The following PEBP4 variants were observed in gnomAD, a reference collection of about 807,000 sequenced individuals.
PEBP4 encodes phosphatidylethanolamine-binding protein 4.
PEBP4 carries 22 observed loss-of-function variants against 23.9 expected under a neutral mutation model. The observed-to-expected ratio is 0.92, with a 90% CI of 0.66 to 1.31. The LOEUF (loss-of-function observed/expected upper bound fraction) is 1.31. Among genes scored for constraint, PEBP4 ranks in the 40% most tolerant of loss-of-function variants. The pLI is 0.00. For missense variants in PEBP4, 324 were observed against 281.7 expected (o/e 1.15, Z -1.07); for synonymous variants, 112 against 99.3 (o/e 1.13, Z -0.76).
chr8:22,778,947 G>A (rs959050711), intron 4 of PEBP4, among the ~76,000 whole-genome samples: 6 of 152,082 alleles, frequency 3.9e-5, no homozygotes, highest in Non-Finnish European at 7.4e-5. Context: ...GGAGGTGTGA[G>A]GAACTCCAAT....
intron 3 of PEBP4, among the ~76,000 whole-genome samples, chr8:22,841,106 A>C (rs1467506559): frequency 3.3e-5 from 5 of 152,240 alleles, no homozygotes; most frequent in Non-Finnish European, 5.9e-5. Context: ...CCAGCTCAGC[A>C]CTATCATCTC....
At chr8:22,758,753 A>G (rs1805441805) in intron 4 of PEBP4, among the ~76,000 whole-genome samples, 1 of 152,206 alleles carries the variant, frequency 6.6e-6, no homozygotes, top group Non-Finnish European at 1.5e-5. Context: ...CTGTCCAACA[A>G]GCATGAGAAT....
At chr8:22,743,757 G>T (rs1805050401) in intron 4 of PEBP4, among the ~76,000 whole-genome samples, 2 of 152,212 alleles carry the variant, frequency 1.3e-5, no homozygotes, top group African/African-American at 4.8e-5. Flanking sequence ...AGAGCATTCA[G>T]CACCTGCCGG....
intron 3 of PEBP4, among the ~76,000 whole-genome samples, chr8:22,827,578 C>T (rs1806998427): frequency 6.6e-6 from 1 of 152,106 alleles, no homozygotes; most frequent in Admixed American, 6.5e-5. Flanking sequence ...GTACTTCATT[C>T]CTTTTTATTG....
At chr8:22,732,471 G>A (rs994240734) in intron 4 of PEBP4, among the ~76,000 whole-genome samples, 2 of 152,136 alleles carry the variant, frequency 1.3e-5, no homozygotes, top group African/African-American at 4.8e-5. Context: ...TTAATACCTA[G>A]GTTATGGGTC....
At chr8:22,845,946 C>T (rs1340815769) in intron 3 of PEBP4, among the ~76,000 whole-genome samples, 2 of 152,242 alleles carry the variant, frequency 1.3e-5, no homozygotes, top group South Asian at 2.1e-4. Flanking sequence ...CCTTCTGCTC[C>T]TGTATTCCTG....
At chr8:22,735,888 A>G (rs1211758280) in intron 4 of PEBP4, among the ~76,000 whole-genome samples, 1 of 152,262 alleles carries the variant, frequency 6.6e-6, no homozygotes, top group East Asian at 1.9e-4. Context: ...AAAGGGCTAC[A>G]TGTTCCTTGT....
chr8:22,777,164 G>A (rs1281586957), intron 4 of PEBP4, among the ~76,000 whole-genome samples: 2 of 152,032 alleles, frequency 1.3e-5, no homozygotes, highest in Non-Finnish European at 2.9e-5. Context: ...GGAGGGTGCT[G>A]GCCCCTTCCT....
chr8:22,762,563 T>C (rs1384787174), intron 4 of PEBP4, among the ~76,000 whole-genome samples: 4 of 152,134 alleles, frequency 2.6e-5, no homozygotes, highest in African/African-American at 9.7e-5. Flanking sequence ...AAAGCCAAGT[T>C]CCCTGGGGAT....
At chr8:22,723,369 C>T (rs1176592413) in intron 6 of PEBP4, among the ~76,000 whole-genome samples, 1 of 152,114 alleles carries the variant, frequency 6.6e-6, no homozygotes, top group Non-Finnish European at 1.5e-5. Flanking sequence ...CAGCTCCCTT[C>T]CTCTCCCTTG....
intron 4 of PEBP4, among the ~76,000 whole-genome samples, chr8:22,777,542 T>C (rs1419797533): frequency 1.3e-5 from 2 of 152,154 alleles, no homozygotes; most frequent in Non-Finnish European, 2.9e-5. Flanking sequence ...CAGGACCTCC[T>C]GGTGACAGCC....
At chr8:22,915,981 G>A (rs1242273328) in intron 3 of PEBP4, among the ~76,000 whole-genome samples, 2 of 152,200 alleles carry the variant, frequency 1.3e-5, no homozygotes, top group East Asian at 1.9e-4. Context: ...CAATGAGGGC[G>A]AGAAGGTGCT....
chr8:22,869,484 G>C (rs1482335962), intron 3 of PEBP4, among the ~76,000 whole-genome samples: 2 of 152,220 alleles, frequency 1.3e-5, no homozygotes, highest in Non-Finnish European at 2.9e-5. Flanking sequence ...GGTTCAAAGT[G>C]AAAGGTGGTT....
At chr8:22,728,675 G>A (rs1478871359) in intron 4 of PEBP4, among the ~76,000 whole-genome samples, 5 of 149,350 alleles carry the variant, frequency 3.3e-5, no homozygotes, top group African/African-American at 5.0e-5. Flanking sequence ...TTAGTTCACT[G>A]CAACCTCCGC....
chr8:22,866,906 C>T (rs1807915011), intron 3 of PEBP4, among the ~76,000 whole-genome samples: 1 of 152,084 alleles, frequency 6.6e-6, no homozygotes, highest in South Asian at 2.1e-4. Flanking sequence ...AGTGGAGGAG[C>T]TAGTCCGGCT....
At chr8:22,792,134 C>T (rs1460894792) in intron 4 of PEBP4, among the ~76,000 whole-genome samples, 1 of 151,946 alleles carries the variant, frequency 6.6e-6, no homozygotes, top group Non-Finnish European at 1.5e-5. Context: ...GCTGGGATTA[C>T]AGGGATAAGC....
Position 22,713,497 on chromosome 8 carries a change from A to G in PEBP4, c.557T>C (p.Leu186Pro). ...CTGGGTGCTTGCTTCAGGTTCGCCC[A>G]GGTGGAAACGGTTCAGAAATCTGTC... ...KMDRFLNRFH[L>P]GEPEASTQFM... is the part of the protein sequence containing the mutation. Residue 186 changes from leucine (L) to proline (P), a missense_variant, in exon 7 of 7, where the codon CTG (leucine) becomes CCG (proline). Leu to Pro is a moderately conservative substitution (Grantham distance 98). Coordinates refer to ENST00000256404, the MANE Select transcript of PEBP4 (RefSeq NM_144962.3). 6.2e-7 allele frequency: 1 copy of G among 1,614,164 alleles called. No homozygotes were observed. Among genetic ancestry groups the G allele is most frequent in the South Asian group, 1.1e-5 (1 of 91,088 alleles).
intron 4 of PEBP4, among the ~76,000 whole-genome samples, chr8:22,783,851 C>T (rs1162716532): frequency 2.0e-5 from 3 of 152,222 alleles, no homozygotes. Context: ...TCAGGCTGGT[C>T]CTGAGCTCAA....
At chr8:22,729,568 A>C (rs56180498) in intron 4 of PEBP4, among the ~76,000 whole-genome samples, 21,250 of 151,934 alleles carry the variant, frequency 0.14, 1,909 homozygotes, top group Middle Eastern at 0.21. Flanking sequence ...TCATCCTTTC[A>C]CTCTGGGGAG....
Sources: gnomAD v4.1 joint callset for allele counts (sites outside exome capture counted in the v4.1 genomes callset) on GRCh38, gnomAD v4.1.1 for gene constraint, MANE v1.5 for transcripts, NCBI Gene and HGNC (gene_info 2026-07-23, HGNC 2026-07-21) for gene names.